STK38L: variants seen among roughly 807,000 people sequenced by gnomAD.
The protein encoded by STK38L is serine/threonine kinase 38 like.
In STK38L, 28 loss-of-function variants were observed where a neutral mutation model predicts 59.7. That is an observed-to-expected ratio of 0.47 (90% CI 0.35 to 0.64). The LOEUF (loss-of-function observed/expected upper bound fraction) is 0.64. Ranked by LOEUF, STK38L falls within the 30% of genes least tolerant of loss-of-function variation. The pLI is 0.01. For synonymous variants in STK38L, 162 were observed against 176.8 expected, an observed-to-expected ratio of 0.92 and a Z score of 0.66; for missense variants, 314 against 555.8, an observed-to-expected ratio of 0.56 and a Z score of 4.37.
At chr12:27,259,797 C>A (rs1028781210) in intron 1 of STK38L, among the ~76,000 whole-genome samples, 1 of 152,112 alleles carries the variant, frequency 6.6e-6, no homozygotes, top group Non-Finnish European at 1.5e-5. Flanking sequence ...AAGTTCAGCT[C>A]ATTGTGGACA....
intron 1 of STK38L, among the ~76,000 whole-genome samples, chr12:27,262,817 G>A (rs7486908): frequency 1.1e-4 from 7 of 65,012 alleles, no homozygotes; most frequent in African/African-American, 3.0e-4. Context: ...TTTTTTTTTT[G>A]AGATAGAGTC....
intron 7 of STK38L, 88 bp from the exon 8 acceptor site, chr12:27,314,927 T>G (rs1395774265): frequency 3.9e-6 from 4 of 1,031,138 alleles, no homozygotes; most frequent in Non-Finnish European, 5.5e-6. Context: ...AGAATTTTTA[T>G]TATAATTGCC....
At chr12:27,269,121 G>T (rs964699427) in intron 1 of STK38L, among the ~76,000 whole-genome samples, 59 of 152,224 alleles carry the variant, frequency 3.9e-4, no homozygotes, top group African/African-American at 9.6e-4. Flanking sequence ...CTCTTTAGTT[G>T]AATTAGATCC....
chr12:27,280,010 A>G (rs1209805329), intron 1 of STK38L, among the ~76,000 whole-genome samples: 1 of 152,184 alleles, frequency 6.6e-6, no homozygotes, highest in Non-Finnish European at 1.5e-5. Context: ...CGCCTACTTT[A>G]TAGAACTGTA....
intron 2 of STK38L, among the ~76,000 whole-genome samples, chr12:27,301,333 A>C (rs1944165269): frequency 6.6e-6 from 1 of 152,172 alleles, no homozygotes; most frequent in South Asian, 2.1e-4. Flanking sequence ...ATCTTGGCTC[A>C]CTGCAACCTC....
rs1170768345 is a variant in STK38L at position 27,322,442 on chromosome 12, CT to C, written c.1383del (p.Lys463SerfsTer4). The C allele has an allele frequency of 2.5e-6, 4 of 1,612,784 alleles. No individual in the cohort carries two copies. The highest frequency in any genetic ancestry group is 3.4e-6 in the Non-Finnish European group (4 of 1,179,572). On this transcript the variant is annotated frameshift_variant, in exon 14 of 14. Transcript: ENST00000389032. LOFTEE classifies it high-confidence loss of function. ...GGCTCTATCCCCACCTACATGAAAGCTGGGAAGTTATGAATGAAGATAACAT... is the reference window on the plus strand; with the variant it reads ...GGCTCTATCCCCACCTACATGAAAGCGGGAAGTTATGAATGAAGATAACAT... The part of the protein sequence containing the change: ...QRGSIPTYMK[A>X]GKL
intron 12 of STK38L, among the ~76,000 whole-genome samples, chr12:27,320,957 A>G (rs575584783): frequency 1.3e-5 from 2 of 152,212 alleles, no homozygotes; most frequent in Admixed American, 1.3e-4. Flanking sequence ...TTAATTGAAT[A>G]GAACTAGAAT....
At chr12:27,303,096 G>A (rs1015699621) in intron 3 of STK38L, among the ~76,000 whole-genome samples, 2 of 149,686 alleles carry the variant, frequency 1.3e-5, no homozygotes, top group Non-Finnish European at 3.0e-5. Context: ...CTTGTCACCC[G>A]CCCCCGACGC....
chr12:27,258,832 G>A (rs1027819747), intron 1 of STK38L, among the ~76,000 whole-genome samples: 1 of 151,976 alleles, frequency 6.6e-6, no homozygotes, highest in Non-Finnish European at 1.5e-5. Flanking sequence ...ATTTTGATAA[G>A]GATGTTGGAA....
At chr12:27,289,892 C>T (rs1943858681) in intron 1 of STK38L, among the ~76,000 whole-genome samples, 3 of 152,020 alleles carry the variant, frequency 2.0e-5, no homozygotes, top group Admixed American at 1.3e-4. Context: ...CATTTCTCTC[C>T]CCTCTCCATT....
intron 2 of STK38L, chr12:27,298,224 G>A (rs1473242657): frequency 6.3e-6 from 1 of 157,762 alleles, no homozygotes; most frequent in African/African-American, 2.4e-5. Context: ...GATCACCTGA[G>A]GTCAGGAGTT....
chr12:27,302,546 A>G (rs1222582820), intron 3 of STK38L: 2 of 160,978 alleles, frequency 1.2e-5, no homozygotes, highest in African/African-American at 4.8e-5. Context: ...GGTTTAAACT[A>G]CCATATATTT....
intron 1 of STK38L, among the ~76,000 whole-genome samples, chr12:27,278,367 A>G (rs1381015041): frequency 2.0e-5 from 3 of 152,258 alleles, no homozygotes; most frequent in East Asian, 1.9e-4. Context: ...CCCCTGTTCT[A>G]AAGCCCTGCT....
chr12:27,318,379 G>T (rs1190834738), intron 11 of STK38L, among the ~76,000 whole-genome samples: 1 of 152,170 alleles, frequency 6.6e-6, no homozygotes. Flanking sequence ...AAAATTCCAT[G>T]TGTTCCTCAA....
intron 1 of STK38L, among the ~76,000 whole-genome samples, chr12:27,272,275 T>A (rs907337156): frequency 1.3e-5 from 2 of 152,204 alleles, no homozygotes; most frequent in African/African-American, 4.8e-5. Context: ...CCATTCCGTT[T>A]TGAGTAGAAT....
chr12:27,302,304 T>G, intron 3 of STK38L, 116 bp downstream of exon 3: 1 of 749,212 alleles, frequency 1.3e-6, no homozygotes, highest in Non-Finnish European at 2.1e-6. Flanking sequence ...AATATGGGCT[T>G]CTTTGTTGCT....
chr12:27,291,222 GA>G (rs1201736442), intron 1 of STK38L, among the ~76,000 whole-genome samples: 2 of 152,060 alleles, frequency 1.3e-5, no homozygotes, highest in African/African-American at 2.4e-5. Context: ...TTTTTAACAT[GA>G]CAAAAAAGTT....
intron 5 of STK38L, among the ~76,000 whole-genome samples, chr12:27,311,063 A>G (rs899273675): frequency 1.3e-5 from 2 of 152,202 alleles, no homozygotes; most frequent in Non-Finnish European, 2.9e-5. Flanking sequence ...CATACTTTCC[A>G]ACCTTTGGAT....
intron 9 of STK38L, 28 bp downstream of exon 9, chr12:27,315,378 T>C: frequency 6.3e-7 from 1 of 1,593,580 alleles, no homozygotes; most frequent in Non-Finnish European, 8.6e-7. Flanking sequence ...TAAGAGAATT[T>C]TATGCCTTGG....
Sources: gnomAD v4.1 joint callset for allele counts (sites outside exome capture counted in the v4.1 genomes callset) on GRCh38, gnomAD v4.1.1 for gene constraint, MANE v1.5 for transcripts, NCBI Gene and HGNC (gene_info 2026-07-23, HGNC 2026-07-21) for gene names.